Variants in SH3BGRL2 observed in about 807,000 individuals in gnomAD.
The protein encoded by SH3BGRL2 is SH3 domain binding glutamate rich protein like 2.
Under a neutral mutation model 14.8 loss-of-function variants are expected in SH3BGRL2, and 21 were observed. That is an observed-to-expected ratio of 1.42 (90% CI 1.01 to 2.05). SH3BGRL2 has a LOEUF of 2.05. Among genes scored for constraint, SH3BGRL2 ranks in the 30% most tolerant of loss-of-function variants. SH3BGRL2 has a pLI of 0.00. For synonymous variants in SH3BGRL2, 50 were observed against 47.8 expected, an observed-to-expected ratio of 1.05 and a Z score of -0.19; for missense variants, 147 against 130.8, an observed-to-expected ratio of 1.12 and a Z score of -0.61.
the SH3BGRL2 span, among the ~76,000 whole-genome samples, chr6:79,546,167 C>T: frequency 6.6e-6 from 1 of 152,108 alleles, no homozygotes; most frequent in Non-Finnish European, 1.5e-5. Flanking sequence ...CAGGTAGACC[C>T]TAACATTATG....
At chr6:79,550,668 C>A in the SH3BGRL2 span, among the ~76,000 whole-genome samples, 1 of 152,144 alleles carries the variant, frequency 6.6e-6, no homozygotes, top group South Asian at 2.1e-4. Flanking sequence ...TGAGTACTTA[C>A]GTCTACAGGA....
At chr6:79,562,121 T>A in the SH3BGRL2 span, among the ~76,000 whole-genome samples, 1 of 152,162 alleles carries the variant, frequency 6.6e-6, no homozygotes, top group African/African-American at 2.4e-5. Context: ...TAGAGTAAGT[T>A]TACTAGAGTT....
the SH3BGRL2 span, among the ~76,000 whole-genome samples, chr6:79,539,709 T>C: frequency 3.9e-5 from 6 of 152,348 alleles, no homozygotes; most frequent in East Asian, 1.2e-3. Flanking sequence ...TTGGGGAAAC[T>C]AGTGTCGAGT....
At chr6:79,577,917 A>G in the SH3BGRL2 span, among the ~76,000 whole-genome samples, 2 of 152,226 alleles carry the variant, frequency 1.3e-5, no homozygotes, top group East Asian at 1.9e-4. Context: ...ACTCCCACCC[A>G]AATGCAATGC....
intron 1 of SH3BGRL2, among the ~76,000 whole-genome samples, chr6:79,635,071 T>C (rs1768896711): frequency 6.6e-6 from 1 of 152,168 alleles, no homozygotes; most frequent in South Asian, 2.1e-4. Context: ...TTCTGCAGCT[T>C]GTCTGCTGCC....
intron 1 of SH3BGRL2, among the ~76,000 whole-genome samples, chr6:79,668,603 G>C (rs9448761): frequency 0.55 from 82,772 of 151,722 alleles, 23,772 homozygotes; most frequent in Non-Finnish European, 0.65. Context: ...AAGTTAGTGG[G>C]GGGGAGTGGT....
chr6:79,660,605 T>C (rs1769524582), intron 1 of SH3BGRL2, among the ~76,000 whole-genome samples: 1 of 152,150 alleles, frequency 6.6e-6, no homozygotes, highest in Non-Finnish European at 1.5e-5. Context: ...ATTCTCTTTT[T>C]TGGTTGTGTC....
intron 1 of SH3BGRL2, among the ~76,000 whole-genome samples, chr6:79,637,963 T>G (rs1403276059): frequency 2.6e-5 from 4 of 152,232 alleles, no homozygotes; most frequent in African/African-American, 9.6e-5. Context: ...CAAACTATTT[T>G]TATTAAGAAA....
chr6:79,696,870 G>A (rs1770342545), intron 3 of SH3BGRL2, among the ~76,000 whole-genome samples: 1 of 151,834 alleles, frequency 6.6e-6, no homozygotes. Context: ...GTTTAAAATT[G>A]CAAATTTTTT....
chr6:79,688,006 G>T (rs989490022), intron 2 of SH3BGRL2, among the ~76,000 whole-genome samples: 1 of 152,146 alleles, frequency 6.6e-6, no homozygotes, highest in African/African-American at 2.4e-5. Flanking sequence ...GAACATTAAG[G>T]TGTTTGTCTC....
chr6:79,563,682 T>TA, the SH3BGRL2 span, among the ~76,000 whole-genome samples: 1 of 152,022 alleles, frequency 6.6e-6, no homozygotes. Flanking sequence ...AGGCCATTCA[T>TA]AAAAAATCAG....
At chr6:79,686,659 CA>C in intron 2 of SH3BGRL2, among the ~76,000 whole-genome samples, 2 of 152,044 alleles carry the variant, frequency 1.3e-5, no homozygotes. Context: ...TTAATCTCTC[CA>C]AGGATATTAA....
At chr6:79,578,590 A>G in the SH3BGRL2 span, among the ~76,000 whole-genome samples, 1 of 152,234 alleles carries the variant, frequency 6.6e-6, no homozygotes, top group African/African-American at 2.4e-5. Context: ...ACAAACAGAA[A>G]AGAATAGCAT....
the SH3BGRL2 span, among the ~76,000 whole-genome samples, chr6:79,611,155 A>G: frequency 6.6e-6 from 1 of 152,150 alleles, no homozygotes; most frequent in Non-Finnish European, 1.5e-5. Flanking sequence ...GTATACTCTG[A>G]ACTCCTCCAC....
At chr6:79,595,229 G>T in the SH3BGRL2 span, among the ~76,000 whole-genome samples, 64 of 152,208 alleles carry the variant, frequency 4.2e-4, no homozygotes, top group African/African-American at 1.3e-3. Flanking sequence ...GGTGGATGTT[G>T]CAGTGAGCCA....
At chr6:79,576,700 TA>T in the SH3BGRL2 span, among the ~76,000 whole-genome samples, 1 of 152,180 alleles carries the variant, frequency 6.6e-6, no homozygotes, top group African/African-American at 2.4e-5. Flanking sequence ...CGATAAGTTT[TA>T]AAAAATTTAT....
chr6:79,692,534 T>C (rs1371152081), intron 2 of SH3BGRL2, among the ~76,000 whole-genome samples: 1 of 152,302 alleles, frequency 6.6e-6, no homozygotes, highest in South Asian at 2.1e-4. Flanking sequence ...AATTTTTGTA[T>C]AAGGTGTAAG....
chr6:79,577,601 CA>C, the SH3BGRL2 span, among the ~76,000 whole-genome samples: 20 of 151,564 alleles, frequency 1.3e-4, no homozygotes, highest in Admixed American at 3.9e-4. Context: ...TGAATAAAGA[CA>C]AAAAAAATAA....
upstream of SH3BGRL2, among the ~76,000 whole-genome samples, chr6:79,630,053 C>T (rs976732312): frequency 4.6e-5 from 7 of 151,942 alleles, no homozygotes; most frequent in East Asian, 1.9e-4. Context: ...GTACATTTGC[C>T]GAGAGATACT....
Sources: allele counts gnomAD v4.1 joint callset (sites outside exome capture counted in the v4.1 genomes callset), GRCh38; gene constraint gnomAD v4.1.1; transcripts MANE v1.5; gene names NCBI Gene and HGNC (gene_info 2026-07-23, HGNC 2026-07-21).